Variants in SLC26A7 observed in about 807,000 individuals in gnomAD.
SLC26A7 encodes anion exchange transporter.
A neutral mutation model predicts 82.5 loss-of-function variants in SLC26A7; 59 were observed. The ratio of observed to expected loss-of-function variants is 0.72; its 90% CI spans 0.58 to 0.89. The LOEUF is 0.89. Among genes scored for constraint, SLC26A7 ranks in the 40% least tolerant of loss-of-function variants. The probability of loss-of-function intolerance (pLI) is 0.00; values close to 1 mark genes in which losing one functional copy is unlikely to be tolerated. For missense variants in SLC26A7, 820 were observed against 793.0 expected (o/e 1.03, Z -0.41); for synonymous variants, 271 against 274.3 (o/e 0.99, Z 0.12).
At chr8:91,291,921 T>C (rs1425522210) in intron 3 of SLC26A7, among the ~76,000 whole-genome samples, 1 of 152,236 alleles carries the variant, frequency 6.6e-6, no homozygotes, top group Non-Finnish European at 1.5e-5. Context: ...AGAGACATTT[T>C]ATTTCTGCAT....
chr8:91,261,963 G>A lies in SLC26A7; in HGVS notation c.193+12119G>A, dbSNP rs572106590. On this transcript the variant is annotated intron_variant, in intron 2 of 18. Coordinates refer to ENST00000276609, the MANE Select transcript of SLC26A7 (RefSeq NM_052832.4). ...AGCCAGTAGCATGGATTAGGAAATA[G>A]TAGAAGAGAGTAAAACGTACCATTG... 1.4e-4 allele frequency among the ~76,000 whole-genome samples: 21 copies of A among 152,196 alleles called. No homozygotes were observed. The South Asian group carries it at 3.1e-3, about 23-fold the overall frequency.
chr8:91,306,194 G>C (rs978586444), intron 4 of SLC26A7, among the ~76,000 whole-genome samples: 4 of 152,004 alleles, frequency 2.6e-5, no homozygotes, highest in African/African-American at 9.7e-5. Context: ...CTTTCTAATG[G>C]TTTTCCTCCT....
chr8:91,344,672 C>G (rs1393629804), intron 9 of SLC26A7, among the ~76,000 whole-genome samples: 1 of 152,146 alleles, frequency 6.6e-6, no homozygotes, highest in East Asian at 1.9e-4. Context: ...TGTAATTTGA[C>G]AAATAATTGC....
intron 14 of SLC26A7, among the ~76,000 whole-genome samples, chr8:91,368,945 G>T (rs1022162152): frequency 6.6e-6 from 1 of 152,154 alleles, no homozygotes; most frequent in Non-Finnish European, 1.5e-5. Flanking sequence ...AAATACATAC[G>T]CTGTAGCACT....
At chr8:91,220,512 C>T (rs1199374123) in intron 2 of SLC26A7, among the ~76,000 whole-genome samples, 1 of 152,006 alleles carries the variant, frequency 6.6e-6, no homozygotes, top group Admixed American at 6.6e-5. Flanking sequence ...ATCCCCTATC[C>T]CCCAGCAGGT....
At chr8:91,340,119 A>G (rs1813360700) in intron 7 of SLC26A7, among the ~76,000 whole-genome samples, 1 of 152,166 alleles carries the variant, frequency 6.6e-6, no homozygotes, top group Non-Finnish European at 1.5e-5. Context: ...CTGATACAGG[A>G]AATTTCTGTC....
At chr8:91,264,551 T>A (rs1811056863) in intron 2 of SLC26A7, among the ~76,000 whole-genome samples, 1 of 151,992 alleles carries the variant, frequency 6.6e-6, no homozygotes, top group East Asian at 1.9e-4. Context: ...CCACACTAGA[T>A]TTGCCTCCAG....
At chr8:91,340,298 T>C (rs1169924171) in intron 7 of SLC26A7, 106 bp from the exon 8 acceptor site, 1 of 1,383,722 alleles carries the variant, frequency 7.2e-7, no homozygotes, top group Non-Finnish European at 9.9e-7. Flanking sequence ...GGTATTTCAC[T>C]TAGTCTATGT....
chr8:91,396,365 A>G lies in SLC26A7; in HGVS notation c.*1268A>G, dbSNP rs1422303978. The G allele has an allele frequency of 6.6e-6, 1 of 152,026 alleles. No homozygotes were observed. Among genetic ancestry groups the G allele is most frequent in the Non-Finnish European group, 1.5e-5 (1 of 67,896 alleles). 9.4% of individuals were successfully genotyped at this position (152,026 alleles called of 1,614,324 possible). ...AGAGTAAGAAAAAGCTAGGTACTTT[A>G]AAGTGAGTTTGAGAAACAAGTTGAA... is the stretch of plus-strand genomic sequence containing the variant. On this transcript the variant is annotated 3_prime_UTR_variant, in exon 19 of 19. Transcript: ENST00000276609.
chr8:91,355,318 A>C (rs2130860451), intron 11 of SLC26A7, among the ~76,000 whole-genome samples: 1 of 152,270 alleles, frequency 6.6e-6, no homozygotes, highest in East Asian at 1.9e-4. Flanking sequence ...TCGCATAATC[A>C]GGAATTATTT....
intron 3 of SLC26A7, among the ~76,000 whole-genome samples, chr8:91,290,274 A>G (rs1007764110): frequency 2.6e-4 from 39 of 152,172 alleles, no homozygotes; most frequent in African/African-American, 7.5e-4. Flanking sequence ...TATTGATTGT[A>G]TCAGTTTTCT....
At chr8:91,230,920 T>C (rs1345144333) in intron 2 of SLC26A7, among the ~76,000 whole-genome samples, 1 of 152,050 alleles carries the variant, frequency 6.6e-6, no homozygotes, top group African/African-American at 2.4e-5. Context: ...GTTGAGTTTA[T>C]GGCAGGGGGA....
chr8:91,297,737 A>G lies in SLC26A7; in HGVS notation c.477+2034A>G, dbSNP rs938396639. 3.9e-5 allele frequency among the ~76,000 whole-genome samples: 6 copies of G among 152,214 alleles called. No homozygotes were observed. In the Middle Eastern group the frequency reaches 0.014, roughly 345 times the overall value. ...ATCTTTAGGATTTAGCTGCTCAGTCATTTTTCCTTTTATTCCTTCAGATTT... is the reference window on the plus strand; with the variant it reads ...ATCTTTAGGATTTAGCTGCTCAGTCGTTTTTCCTTTTATTCCTTCAGATTT... On this transcript the variant is annotated intron_variant, in intron 4 of 18. Transcript: ENST00000276609.
In SLC26A7 at chr8:91,289,150, G is replaced by T; in HGVS notation, c.208G>T (p.Val70Phe). The change falls in exon 3 of 19, where the codon GTT becomes TTT. Residue 70 changes from valine (V) to phenylalanine (F), a missense_variant. Val to Phe is a conservative substitution (Grantham distance 50). Coordinates refer to ENST00000276609, the MANE Select transcript of SLC26A7 (RefSeq NM_052832.4). ...QQVTQGLAFA[V>F]LSSVHPVFGL... ...CTTCTTCACAGGATTGGCCTTTGCT[G>T]TTCTCTCATCTGTGCACCCAGTGTT... 6.2e-7 allele frequency: 1 copy of T among 1,613,698 alleles called. No individual in the cohort carries two copies. Among genetic ancestry groups the T allele is most frequent in the Non-Finnish European group, 8.5e-7 (1 of 1,179,708 alleles).
chr8:91,323,980 C>T (rs879902708), intron 5 of SLC26A7, among the ~76,000 whole-genome samples: 2 of 151,942 alleles, frequency 1.3e-5, no homozygotes, highest in Non-Finnish European at 2.9e-5. Flanking sequence ...ATGTGCATAA[C>T]CACGCCTGGG....
At chr8:91,313,394 T>C (rs1304606137) in intron 4 of SLC26A7, among the ~76,000 whole-genome samples, 1 of 152,192 alleles carries the variant, frequency 6.6e-6, no homozygotes, top group African/African-American at 2.4e-5. Flanking sequence ...TTTTAATAAG[T>C]TTTGAAATCA....
At chr8:91,261,453 T>C (rs767787560) in intron 2 of SLC26A7, among the ~76,000 whole-genome samples, 1 of 152,212 alleles carries the variant, frequency 6.6e-6, no homozygotes. Context: ...AGCCACTTTT[T>C]GCCTTGAGTA....
intron 10 of SLC26A7, among the ~76,000 whole-genome samples, chr8:91,352,389 C>A (rs1191231999): frequency 6.6e-6 from 1 of 152,056 alleles, no homozygotes; most frequent in Non-Finnish European, 1.5e-5. Context: ...AGTCTCCATC[C>A]TTTGTTATTC....
intron 4 of SLC26A7, among the ~76,000 whole-genome samples, chr8:91,307,447 C>T (rs1812344411): frequency 6.9e-6 from 1 of 144,086 alleles, no homozygotes; most frequent in Non-Finnish European, 1.5e-5. Context: ...GGCACATATA[C>T]ACCATGGAAT....
Sources: gnomAD v4.1 joint callset for allele counts (sites outside exome capture counted in the v4.1 genomes callset) on GRCh38, gnomAD v4.1.1 for gene constraint, MANE v1.5 for transcripts, NCBI Gene and HGNC (gene_info 2026-07-23, HGNC 2026-07-21) for gene names.